GLCE: variants seen among roughly 807,000 people sequenced by gnomAD.
GLCE encodes D-glucuronyl C5-epimerase.
A neutral mutation model predicts 47.9 loss-of-function variants in GLCE; 19 were observed. The ratio of observed to expected loss-of-function variants is 0.40; its 90% CI spans 0.28 to 0.58. GLCE has a LOEUF of 0.58. GLCE is among the 20% of genes least tolerant of loss of function. The pLI is 0.48. For missense variants in GLCE, 556 were observed against 743.3 expected (o/e 0.75, Z 2.93); for synonymous variants, 245 against 263.4 (o/e 0.93, Z 0.68).
chr15:69,251,937 A>G (rs956247915), intron 2 of GLCE, among the ~76,000 whole-genome samples: 1 of 152,214 alleles, frequency 6.6e-6, no homozygotes, highest in African/African-American at 2.4e-5. Context: ...TTTAGCAATT[A>G]GCAATAATTT....
chr15:69,213,967 T>C (rs2052268357), intron 2 of GLCE, among the ~76,000 whole-genome samples: 1 of 152,118 alleles, frequency 6.6e-6, no homozygotes, highest in Non-Finnish European at 1.5e-5. Context: ...TGTTCCAGCT[T>C]CAGCCACTGG....
intron 2 of GLCE, among the ~76,000 whole-genome samples, chr15:69,224,345 C>G (rs990596627): frequency 6.6e-6 from 1 of 152,138 alleles, no homozygotes; most frequent in Non-Finnish European, 1.5e-5. Flanking sequence ...GCATCTTTTC[C>G]TGGACATGCA....
At chr15:69,179,955 C>T (rs1279595411) in intron 1 of GLCE, among the ~76,000 whole-genome samples, 2 of 152,140 alleles carry the variant, frequency 1.3e-5, no homozygotes, top group Non-Finnish European at 2.9e-5. Flanking sequence ...CCACTGCACT[C>T]CAGCCTGGAC....
At chr15:69,251,036 A>AAC (rs2052837649) in intron 2 of GLCE, among the ~76,000 whole-genome samples, 1 of 152,120 alleles carries the variant, frequency 6.6e-6, no homozygotes, top group African/African-American at 2.4e-5. Context: ...CTCTTAAAAA[A>AAC]ACACACACAA....
intron 1 of GLCE, chr15:69,197,121 TC>T (rs748137787): frequency 8.5e-5 from 31 of 363,770 alleles, no homozygotes; most frequent in African/African-American, 6.1e-4. Flanking sequence ...CCAGCATTGA[TC>T]AACATAAAGG....
intron 1 of GLCE, among the ~76,000 whole-genome samples, chr15:69,183,832 G>T (rs891276325): frequency 6.6e-6 from 1 of 152,174 alleles, no homozygotes; most frequent in African/African-American, 2.4e-5. Flanking sequence ...TTCACATCCA[G>T]GCCCTGTGGT....
intron 2 of GLCE, among the ~76,000 whole-genome samples, chr15:69,215,525 A>G (rs919352395): frequency 4.8e-5 from 7 of 145,174 alleles, no homozygotes; most frequent in Non-Finnish European, 9.1e-5. Flanking sequence ...TAAAGCTACT[A>G]CATTTACATA....
chr15:69,208,900 A>T (rs562682758), intron 1 of GLCE, among the ~76,000 whole-genome samples: 2 of 152,166 alleles, frequency 1.3e-5, no homozygotes, highest in African/African-American at 2.4e-5. Flanking sequence ...TATTATTTTT[A>T]AATGTGAGGG....
intron 2 of GLCE, among the ~76,000 whole-genome samples, chr15:69,234,409 T>C (rs1016935586): frequency 9.9e-5 from 15 of 152,200 alleles, no homozygotes; most frequent in African/African-American, 3.6e-4. Context: ...TATAATTTTC[T>C]CCTTGCCAAA....
At chr15:69,267,704 AG>A (rs1423161352) in intron 4 of GLCE, among the ~76,000 whole-genome samples, 2 of 152,214 alleles carry the variant, frequency 1.3e-5, no homozygotes, top group African/African-American at 2.4e-5. Flanking sequence ...GTAATTGTTC[AG>A]GGGATTAAAT....
intron 2 of GLCE, among the ~76,000 whole-genome samples, chr15:69,234,388 AAGAC>A (rs1418457774): frequency 1.3e-5 from 2 of 152,136 alleles, no homozygotes; most frequent in Non-Finnish European, 2.9e-5. Context: ...TTTGGGAAGA[AAGAC>A]AGAAAGTATA....
At chr15:69,204,277 C>CTTTT (rs57376738) in intron 1 of GLCE, among the ~76,000 whole-genome samples, 18 of 88,348 alleles carry the variant, frequency 2.0e-4, no homozygotes, top group East Asian at 3.3e-4. Flanking sequence ...GATTGTTTTA[C>CTTTT]TTTTTTTTTT....
chr15:69,197,767 A>G (rs951557085), intron 1 of GLCE, among the ~76,000 whole-genome samples: 3 of 151,934 alleles, frequency 2.0e-5, no homozygotes, highest in African/African-American at 7.3e-5. Flanking sequence ...GAGTGTAGAT[A>G]ACACTTTTGA....
intron 2 of GLCE, among the ~76,000 whole-genome samples, chr15:69,219,439 G>T (rs952732702): frequency 6.6e-6 from 1 of 152,024 alleles, no homozygotes; most frequent in Non-Finnish European, 1.5e-5. Context: ...GTAATACTAA[G>T]TAGTATATAT....
At chr15:69,239,090 G>A (rs1286528654) in intron 2 of GLCE, among the ~76,000 whole-genome samples, 2 of 152,114 alleles carry the variant, frequency 1.3e-5, no homozygotes, top group African/African-American at 2.4e-5. Context: ...AATAGAACCC[G>A]GTTTTTTCCA....
rs905965275 is a variant in GLCE, at chr15:69,245,298, A to G, written c.-13-10496A>G. ...CAGTGAGCCGAGATCACATCACTGC[A>G]CTCCAGCCTGGGAGACAGAGCAAGA... On this transcript the variant is annotated intron_variant, in intron 2 of 4. Coordinates refer to ENST00000261858, the MANE Select transcript of GLCE (RefSeq NM_015554.3). Among the ~76,000 whole-genome samples, 4 of 142,162 alleles carry G rather than the reference A, an allele frequency of 2.8e-5. 1 individual carries two copies. Among genetic ancestry groups the G allele is most frequent in the Non-Finnish European group, 6.0e-5 (4 of 66,846 alleles). 93.3% of individuals were successfully genotyped at this position (142,162 alleles called of 152,430 possible). A position where few individuals can be genotyped will look rare whatever the true frequency, so the allele number is the denominator to read the frequency against.
At chr15:69,163,772 G>C (rs182279306) in intron 1 of GLCE, among the ~76,000 whole-genome samples, 2 of 152,272 alleles carry the variant, frequency 1.3e-5, no homozygotes, top group East Asian at 3.9e-4. Flanking sequence ...GTACAAGTTA[G>C]AGAAACCCTA....
At chr15:69,185,014 C>G (rs1266413107) in intron 1 of GLCE, among the ~76,000 whole-genome samples, 2 of 152,184 alleles carry the variant, frequency 1.3e-5, no homozygotes, top group Non-Finnish European at 2.9e-5. Context: ...GTTAGTTCTC[C>G]CAGTTTTTGC....
chr15:69,209,869 A>G (rs1205445684), intron 1 of GLCE, among the ~76,000 whole-genome samples: 2 of 152,086 alleles, frequency 1.3e-5, no homozygotes, highest in African/African-American at 4.8e-5. Flanking sequence ...GTGATCAGAG[A>G]GGTAGATTCC....
Sources: allele counts gnomAD v4.1 joint callset (sites outside exome capture counted in the v4.1 genomes callset), GRCh38; gene constraint gnomAD v4.1.1; transcripts MANE v1.5; gene names NCBI Gene and HGNC (gene_info 2026-07-23, HGNC 2026-07-21).